The following FMN1 variants were observed in gnomAD, a reference collection of about 807,000 sequenced individuals.
FMN1 encodes formin-1.
A neutral mutation model predicts 132.4 loss-of-function variants in FMN1; 110 were observed. The ratio of observed to expected loss-of-function variants is 0.83; its 90% confidence interval spans 0.71 to 0.97. The LOEUF is 0.97. Among genes scored for constraint, FMN1 ranks in the 50% least tolerant of loss-of-function variants. FMN1 has a pLI of 0.00. For missense variants in FMN1, 1,792 were observed against 1,705.3 expected, an observed-to-expected ratio of 1.05 and a Z score of -0.90; for synonymous variants, 722 against 651.7, an observed-to-expected ratio of 1.11 and a Z score of -1.64.
At chr15:32,861,980 C>T (rs186844269) in intron 16 of FMN1, among the ~76,000 whole-genome samples, 47 of 152,310 alleles carry the variant, frequency 3.1e-4, no homozygotes, top group Middle Eastern at 3.4e-3. Context: ...GGGATTCCCA[C>T]GTGGCCTGTA....
At chr15:33,042,150 AAAT>A (rs531245026) in intron 6 of FMN1, among the ~76,000 whole-genome samples, 53 of 152,296 alleles carry the variant, frequency 3.5e-4, no homozygotes, top group East Asian at 1.5e-3. Context: ...CAATGAGAAA[AAAT>A]AATGAGAAAA....
chr15:33,047,727 G>C (rs343909), intron 6 of FMN1, among the ~76,000 whole-genome samples: 107,716 of 152,072 alleles, frequency 0.71, 38,623 homozygotes, highest in Non-Finnish European at 0.75. Context: ...TTTTTGAAAT[G>C]CAGGTTCTGG....
intron 3 of FMN1, among the ~76,000 whole-genome samples, chr15:33,170,031 A>G (rs1027550723): frequency 2.0e-5 from 3 of 152,172 alleles, no homozygotes; most frequent in Non-Finnish European, 4.4e-5. Context: ...TTTAAGCCAA[A>G]TAAATTTATA....
intron 3 of FMN1, among the ~76,000 whole-genome samples, chr15:33,167,899 G>T (rs1461526027): frequency 6.6e-6 from 1 of 152,208 alleles, no homozygotes; most frequent in Non-Finnish European, 1.5e-5. Context: ...GAGGGGTCTT[G>T]CTGTCTCAGG....
intron 12 of FMN1, among the ~76,000 whole-genome samples, chr15:32,906,776 G>A (rs1316755379): frequency 6.6e-6 from 1 of 152,190 alleles, no homozygotes; most frequent in East Asian, 1.9e-4. Flanking sequence ...TGAGGGTAGG[G>A]ATTGGTAAGG....
In FMN1 at chr15:33,027,614, T is replaced by C. The variant is rs77233351; in HGVS notation, c.2162-19539A>G. Among the ~76,000 whole-genome samples, 412 of 152,320 alleles carry C rather than the reference T, an allele frequency of 2.7e-3. 1 individual carries two copies. Among genetic ancestry groups the C allele is most frequent in the African/African-American group, 9.2e-3 (381 of 41,580 alleles). ...CTTCTGGGGTTTTGTTGTTGCTTTATGGTAGTAGTTTTAGCTTTGTTTTTC... is the reference window on the plus strand; with the variant it reads ...CTTCTGGGGTTTTGTTGTTGCTTTACGGTAGTAGTTTTAGCTTTGTTTTTC... On this transcript the variant is annotated intron_variant, in intron 6 of 20. Coordinates refer to ENST00000616417, the MANE Select transcript of FMN1 (RefSeq NM_001277313.2).
chr15:33,154,047 G>T lies in FMN1; in HGVS notation c.868C>A (p.His290Asn), dbSNP rs1964563287. ...CTTTCAGACAAACCTGTTTGCTGAT[G>T]CTCCAGCCCGCTCGGCGGCCTCCGA... ...GIRRPPSGLE[H>N]QQTGLSESHQ... The change falls in exon 4 of 21, where the codon CAT (histidine) becomes AAT (asparagine). Residue 290 changes from histidine (H) to asparagine (N), a missense_variant. Transcript: ENST00000616417. 1 of 1,535,972 alleles carries T rather than the reference G, an allele frequency of 6.5e-7. No individual in the cohort carries two copies. The highest frequency in any genetic ancestry group is 8.7e-7 in the Non-Finnish European group (1 of 1,146,850).
At chr15:33,121,877 A>C (rs760682308) in intron 4 of FMN1, among the ~76,000 whole-genome samples, 1 of 152,200 alleles carries the variant, frequency 6.6e-6, no homozygotes, top group Non-Finnish European at 1.5e-5. Flanking sequence ...TTTGAAAACA[A>C]AAAGAAAGCA....
chr15:33,153,898 C>G lies in FMN1; in HGVS notation c.1017G>C (p.Gln339His), dbSNP rs1277548106. The G allele has an allele frequency of 6.5e-7, 1 of 1,536,782 alleles. No homozygotes were observed. Residue 339 changes from glutamine (Q) to histidine (H), a missense_variant, in exon 4 of 21, where the codon CAG becomes CAC. Transcript: ENST00000616417. ...VVAKVQDLSS[Q>H]VQRVVKTHSK... is the part of the protein sequence containing the mutation. Reference sequence around the variant, plus strand: ...AATGCGTTTTAACTACTCTTTGTACCTGGGAGGACAGGTCCTGAACTTTGG... The same window carrying G: ...AATGCGTTTTAACTACTCTTTGTACGTGGGAGGACAGGTCCTGAACTTTGG...
intron 17 of FMN1, among the ~76,000 whole-genome samples, chr15:32,809,626 T>C (rs1370682479): frequency 1.3e-5 from 2 of 152,102 alleles, no homozygotes. Context: ...CCCTTCTCCC[T>C]TCTCCTACCC....
In FMN1 at chr15:33,033,168, C is replaced by A. The variant is rs143115220; in HGVS notation, c.2162-25093G>T. Among the ~76,000 whole-genome samples, 20 of 152,166 alleles carry A rather than the reference C, an allele frequency of 1.3e-4. No individual in the cohort carries two copies. In the South Asian group the frequency reaches 4.2e-3, roughly 32 times the overall value. On this transcript the variant is annotated intron_variant, in intron 6 of 20. Transcript: ENST00000616417. ...GCCTCAGCCTCCCGAGTAGCTGGGA[C>A]TACAGGTGCCCGCCACCACACGCGG... is the stretch of plus-strand genomic sequence containing the variant.
chr15:33,086,917 C>T (rs1171849885), intron 5 of FMN1, among the ~76,000 whole-genome samples: 1 of 152,210 alleles, frequency 6.6e-6, no homozygotes, highest in African/African-American at 2.4e-5. Context: ...ATACAGGGTT[C>T]TCCTGCTCTT....
intron 19 of FMN1, among the ~76,000 whole-genome samples, chr15:32,785,380 G>T (rs899337836): frequency 6.6e-6 from 1 of 150,766 alleles, no homozygotes; most frequent in East Asian, 1.9e-4. Flanking sequence ...TATTTATAAT[G>T]AAAAAAAGGA....
chr15:33,066,902 C>G (rs890968873), intron 5 of FMN1: 9 of 1,613,894 alleles, frequency 5.6e-6, no homozygotes, highest in Middle Eastern at 3.3e-4. Context: ...TTTCTTCTCA[C>G]TCTTCACTGT....
intron 17 of FMN1, among the ~76,000 whole-genome samples, chr15:32,855,086 T>C (rs2059096862): frequency 7.3e-6 from 1 of 137,572 alleles, no homozygotes; most frequent in African/African-American, 2.8e-5. Context: ...AATCTTTGAA[T>C]ACACATTAAA....
chr15:33,122,123 C>T (rs566224160), intron 4 of FMN1, among the ~76,000 whole-genome samples: 38 of 152,328 alleles, frequency 2.5e-4, no homozygotes, highest in Middle Eastern at 6.8e-3. Context: ...TTACAGTTAA[C>T]TACACAGTGA....
intron 9 of FMN1, among the ~76,000 whole-genome samples, chr15:32,932,718 A>T (rs1160124391): frequency 6.6e-6 from 1 of 152,150 alleles, no homozygotes; most frequent in African/African-American, 2.4e-5. Context: ...ATCATGATTC[A>T]GTCCTGCTAG....
chr15:33,067,483 G>A (rs747863380), intron 5 of FMN1: 1 of 1,614,000 alleles, frequency 6.2e-7, no homozygotes, highest in Non-Finnish European at 8.5e-7. Flanking sequence ...GAACACAAAT[G>A]ACATCGTCTT....
chr15:33,069,297 C>G (rs549757876), intron 5 of FMN1, among the ~76,000 whole-genome samples: 1 of 152,332 alleles, frequency 6.6e-6, no homozygotes, highest in East Asian at 1.9e-4. Flanking sequence ...AGCTCCCTAT[C>G]TACCTGAAGG....
Sources: gnomAD v4.1 joint callset for allele counts (sites outside exome capture counted in the v4.1 genomes callset) on GRCh38, gnomAD v4.1.1 for gene constraint, MANE v1.5 for transcripts, NCBI Gene and HGNC (gene_info 2026-07-23, HGNC 2026-07-21) for gene names.